UBE2D1: variants seen among roughly 807,000 people sequenced by gnomAD.
The protein encoded by UBE2D1 is ubiquitin conjugating enzyme E2 D1, also known as ubiquitin-conjugating enzyme E2 D1.
A neutral mutation model predicts 24.6 loss-of-function variants in UBE2D1; 9 were observed. The ratio of observed to expected loss-of-function variants is 0.37; its 90% CI spans 0.22 to 0.64. The LOEUF (loss-of-function observed/expected upper bound fraction) is 0.64. Among genes scored for constraint, UBE2D1 ranks in the 30% least tolerant of loss-of-function variants. The pLI is 0.64. For missense variants in UBE2D1, 87 were observed against 177.1 expected (o/e 0.49, Z 2.89); for synonymous variants, 57 against 57.6 (o/e 0.99, Z 0.04).
At chr10:58,367,262 A>G (rs1325000981) in intron 5 of UBE2D1, among the ~76,000 whole-genome samples, 1 of 151,906 alleles carries the variant, frequency 6.6e-6, no homozygotes, top group East Asian at 1.9e-4. Flanking sequence ...ATGAGGAACC[A>G]GAGTCCTTGT....
intron 5 of UBE2D1, among the ~76,000 whole-genome samples, chr10:58,367,107 C>T (rs1840264106): frequency 6.6e-6 from 1 of 152,118 alleles, no homozygotes; most frequent in East Asian, 1.9e-4. Flanking sequence ...AGAGTCAACT[C>T]TGCTCTATAA....
Position 58,364,604 on chromosome 10 carries a change from A to T in UBE2D1, c.199-167A>T. On this transcript the variant is annotated intron_variant, in intron 4 of 6. Coordinates refer to ENST00000373910, the MANE Select transcript of UBE2D1 (RefSeq NM_003338.5). ...TGTGTTCACATTCTCACTAGCTAGA[A>T]CTGTGTGTAGCACAAAGTAGATAAT... 5.2e-6 allele frequency: 3 copies of T among 581,668 alleles called. No individual in the cohort carries two copies. In the Admixed American group the frequency reaches 9.2e-5, roughly 18 times the overall value. 36.0% of individuals were successfully genotyped at this position (581,668 alleles called of 1,614,324 possible). A position where few individuals can be genotyped will look rare whatever the true frequency, so the allele number is the denominator to read the frequency against.
At chr10:58,355,312 C>A (rs1392825581) in intron 1 of UBE2D1, among the ~76,000 whole-genome samples, 2 of 152,082 alleles carry the variant, frequency 1.3e-5, no homozygotes, top group Non-Finnish European at 2.9e-5. Flanking sequence ...GGAATTTGGT[C>A]TTTACTAAGC....
Position 58,370,423 on chromosome 10 carries a change from T to C in UBE2D1, c.*1658T>C, listed in dbSNP as rs1840303198. 1 of 152,574 alleles carries C rather than the reference T, an allele frequency of 6.6e-6. No individual in the cohort carries two copies. The highest frequency in any genetic ancestry group is 2.4e-5 in the African/African-American group (1 of 41,422). The allele number at this position is 152,574 out of a possible 1,614,324, so 9.5% of individuals were successfully genotyped here. ...AACCTATTGTTAGAAAATATGTGTT[T>C]TTATAAATGAATGTAAAATAATTAA... is the stretch of plus-strand genomic sequence containing the variant. On this transcript the variant is annotated 3_prime_UTR_variant, in exon 7 of 7. Coordinates refer to ENST00000373910, the MANE Select transcript of UBE2D1 (RefSeq NM_003338.5).
intron 3 of UBE2D1, among the ~76,000 whole-genome samples, chr10:58,362,639 A>C (rs1840212729): frequency 6.6e-6 from 1 of 152,108 alleles, no homozygotes; most frequent in African/African-American, 2.4e-5. Flanking sequence ...TACTTTAGTA[A>C]TGTAAATATT....
intron 1 of UBE2D1, among the ~76,000 whole-genome samples, chr10:58,347,312 A>T (rs1840027302): frequency 1.3e-5 from 2 of 152,222 alleles, no homozygotes; most frequent in Admixed American, 1.3e-4. Flanking sequence ...TTAGAGTTTG[A>T]ATTACTAGAA....
chr10:58,368,758 C>T lies in UBE2D1; in HGVS notation c.437C>T (p.Ala146Val), dbSNP rs1478592357. 6.3e-7 allele frequency: 1 copy of T among 1,583,354 alleles called. No individual in the cohort carries two copies. The change falls in exon 7 of 7, where the codon GCA becomes GTA. Residue 146 changes from alanine (A) to valine (V), a missense_variant. Transcript: ENST00000373910. ...RHAREWTQKY[A>V]M is the part of the protein sequence containing the mutation. ...GCAAGAGAATGGACTCAGAAATATG[C>T]AATGTAAAAATCAAAAACATTTTCA...
At chr10:58,335,616 C>G (rs1256615996) in intron 1 of UBE2D1, among the ~76,000 whole-genome samples, 1 of 152,270 alleles carries the variant, frequency 6.6e-6, no homozygotes, top group Non-Finnish European at 1.5e-5. Context: ...TTTCTTAAGC[C>G]TGTCCTCTTT....
At chr10:58,356,494 G>A (rs1840132448) in intron 1 of UBE2D1, among the ~76,000 whole-genome samples, 1 of 152,000 alleles carries the variant, frequency 6.6e-6, no homozygotes, top group Non-Finnish European at 1.5e-5. Context: ...CTTATTGATG[G>A]ACCTTTAGGT....
chr10:58,344,850 T>C (rs1839998687), intron 1 of UBE2D1, among the ~76,000 whole-genome samples: 1 of 151,584 alleles, frequency 6.6e-6, no homozygotes, highest in African/African-American at 2.4e-5. Context: ...AGCTGCCTTA[T>C]AGGTAATAGT....
In UBE2D1 at chr10:58,367,945, A is replaced by T. The variant is rs1329867025; in HGVS notation, c.327A>T (p.Leu109=). 6.2e-7 allele frequency: 1 copy of T among 1,610,034 alleles called. No homozygotes were observed. The highest frequency in any genetic ancestry group is 1.1e-5 in the South Asian group (1 of 90,960). Reference sequence around the variant, plus strand: ...TAGTTTTATTGTCCATATGTTCTCTACTTTGTGATCCTAATCCAGATGACC... The same window carrying T: ...TAGTTTTATTGTCCATATGTTCTCTTCTTTGTGATCCTAATCCAGATGACC... The part of the protein sequence containing the change: ...VSKVLLSICS[L]LCDPNPDDPL... Residue 109 remains leucine (L), a synonymous_variant, in exon 6 of 7, where the codon CTA becomes CTT. Transcript: ENST00000373910.
intron 4 of UBE2D1, among the ~76,000 whole-genome samples, chr10:58,364,081 C>A (rs961414741): frequency 1.3e-5 from 2 of 150,614 alleles, no homozygotes; most frequent in African/African-American, 2.4e-5. Context: ...CTACTGTGTT[C>A]TTCTACACTG....
intron 1 of UBE2D1, among the ~76,000 whole-genome samples, chr10:58,345,997 A>G (rs938500069): frequency 6.6e-6 from 1 of 151,726 alleles, no homozygotes; most frequent in Admixed American, 6.6e-5. Context: ...TTTTTGAGTA[A>G]TAGGAGCTAA....
At chr10:58,358,874 C>T (rs1840161992) in intron 1 of UBE2D1, among the ~76,000 whole-genome samples, 1 of 151,686 alleles carries the variant, frequency 6.6e-6, no homozygotes, top group Non-Finnish European at 1.5e-5. Context: ...GACCCTCCTG[C>T]CTCAGCCTCC....
intron 1 of UBE2D1, among the ~76,000 whole-genome samples, chr10:58,351,438 A>G (rs2132322453): frequency 6.6e-6 from 1 of 152,198 alleles, no homozygotes. Context: ...TTTTGTTAAA[A>G]ACTAAGACAC....
chr10:58,361,360 A>G lies in UBE2D1; in HGVS notation c.47A>G (p.Asp16Gly). ...CAGGAATTGAGTGATCTACAGCGCGATCCACCTGCTCACTGTTCAGCTGGA... is the reference window on the plus strand; with the variant it reads ...CAGGAATTGAGTGATCTACAGCGCGGTCCACCTGCTCACTGTTCAGCTGGA... The part of the protein sequence containing the change: ...IQKELSDLQR[D>G]PPAHCSAGPV... The change falls in exon 2 of 7, where the codon GAT becomes GGT. Residue 16 changes from aspartate (D) to glycine (G), a missense_variant. Asp to Gly is a moderately conservative substitution (Grantham distance 94). Coordinates refer to ENST00000373910, the MANE Select transcript of UBE2D1 (RefSeq NM_003338.5). 1 of 1,614,190 alleles carries G rather than the reference A, an allele frequency of 6.2e-7. No homozygotes were observed.
chr10:58,349,245 A>G (rs1024334909), intron 1 of UBE2D1, among the ~76,000 whole-genome samples: 5 of 152,106 alleles, frequency 3.3e-5, no homozygotes, highest in African/African-American at 1.2e-4. Flanking sequence ...AGATACTTCT[A>G]GCTAGTTTTT....
chr10:58,360,985 A>AT (rs1254053209), intron 1 of UBE2D1: 1 of 456,234 alleles, frequency 2.2e-6, no homozygotes, highest in Admixed American at 2.8e-5. Context: ...CCCTCAATAG[A>AT]TTGTAACCTG....
intron 1 of UBE2D1, among the ~76,000 whole-genome samples, chr10:58,355,727 T>C (rs1055923547): frequency 3.9e-5 from 6 of 152,190 alleles, no homozygotes; most frequent in African/African-American, 1.4e-4. Flanking sequence ...GTTGTTAAAA[T>C]AATAAGGTTC....
Sources: gnomAD v4.1 joint callset for allele counts (sites outside exome capture counted in the v4.1 genomes callset) on GRCh38, gnomAD v4.1.1 for gene constraint, MANE v1.5 for transcripts, NCBI Gene and HGNC (gene_info 2026-07-23, HGNC 2026-07-21) for gene names.